HIP1: variants seen among roughly 807,000 people sequenced by gnomAD.
HIP1 encodes the protein huntingtin-interacting protein 1.
Under a neutral mutation model 147.6 loss-of-function variants are expected in HIP1, and 65 were observed. The ratio of observed to expected loss-of-function variants is 0.44; its 90% CI spans 0.36 to 0.54. HIP1 has a LOEUF of 0.54. Ranked by LOEUF, HIP1 falls within the 20% of genes least tolerant of loss-of-function variation. The pLI, the probability that HIP1 is intolerant of heterozygous loss-of-function variation, is 0.00. For missense variants in HIP1, 1,061 were observed against 1,299.6 expected (o/e 0.82, Z 2.82); for synonymous variants, 479 against 504.0 (o/e 0.95, Z 0.67).
rs1363073056 is a variant in HIP1, at chr7:75,536,506, G to A, written c.*1666C>T. On this transcript the variant is annotated 3_prime_UTR_variant, in exon 31 of 31. Transcript: ENST00000336926. ...GTTGCTATAGATAAAGAAGGAAGACGCTGTTTTTCCAAGATCAGAAGGTCA... is the reference window on the plus strand; with the variant it reads ...GTTGCTATAGATAAAGAAGGAAGACACTGTTTTTCCAAGATCAGAAGGTCA... The A allele has an allele frequency of 3.0e-5, 7 of 229,546 alleles. No individual in the cohort carries two copies. Among genetic ancestry groups the A allele is most frequent in the East Asian group, 6.2e-5 (1 of 16,102 alleles). The allele number at this position is 229,546 out of a possible 1,614,324, so 14.2% of individuals were successfully genotyped here.
chr7:75,614,899 G>C (rs781988811), intron 1 of HIP1, among the ~76,000 whole-genome samples: 1 of 152,118 alleles, frequency 6.6e-6, no homozygotes, highest in African/African-American at 2.4e-5. Flanking sequence ...TCAGCCTCCT[G>C]ATAGCTGGGA....
At chr7:75,714,459 T>A (rs1438520348) in intron 1 of HIP1, among the ~76,000 whole-genome samples, 1 of 33,492 alleles carries the variant, frequency 3.0e-5, no homozygotes, top group African/African-American at 1.9e-4. Context: ...TTTTTTCTTT[T>A]TTTTTTTTTT....
intron 4 of HIP1, among the ~76,000 whole-genome samples, chr7:75,589,969 G>A (rs1235372429): frequency 4.0e-5 from 6 of 151,816 alleles, no homozygotes; most frequent in African/African-American, 9.7e-5. Flanking sequence ...TCCTGACCTC[G>A]TGATCCGCCC....
At chr7:75,674,892 T>C (rs1022943931) in intron 1 of HIP1, among the ~76,000 whole-genome samples, 2 of 152,014 alleles carry the variant, frequency 1.3e-5, no homozygotes, top group Admixed American at 1.3e-4. Context: ...TCTGACAGTG[T>C]GACTATGACG....
chr7:75,639,360 C>A (rs1411541781), intron 1 of HIP1: 1 of 226,248 alleles, frequency 4.4e-6, no homozygotes, highest in Non-Finnish European at 7.3e-6. Context: ...CGCGCCCGAG[C>A]CCCCGGGGAC....
intron 1 of HIP1, among the ~76,000 whole-genome samples, chr7:75,672,222 A>G (rs895243473): frequency 6.6e-6 from 1 of 151,800 alleles, no homozygotes; most frequent in East Asian, 1.9e-4. Context: ...TATTTTTGTT[A>G]TTGAGTTTTA....
Position 75,553,389 on chromosome 7 carries a change from G to C in HIP1, c.2295+64C>G. 8 of 1,561,144 alleles carry C rather than the reference G, an allele frequency of 5.1e-6. 1 individual carries two copies. The South Asian group carries it at 9.0e-5, about 18-fold the overall frequency. ...AGCTCAGAACATCACCGATTCCCTG[G>C]CCATTCACCAGCACGCACACCCAGA... On this transcript the variant is annotated intron_variant, in intron 22 of 30. Transcript: ENST00000336926.
At chr7:75,717,562 T>G (rs1054491219) in intron 1 of HIP1, among the ~76,000 whole-genome samples, 2 of 150,960 alleles carry the variant, frequency 1.3e-5, no homozygotes, top group Non-Finnish European at 2.9e-5. Flanking sequence ...CCCGGTGTGG[T>G]GGCTTACACC....
chr7:75,599,298 TGA>T lies in HIP1; in HGVS notation c.121-53_121-52del, dbSNP rs782278571. ...AAGGAGGATGAGATGAATAAGCCTC[TGA>T]GAGTGGCTGAGACCCTCCCAGATGC... On this transcript the variant is annotated intron_variant, in intron 1 of 30. Coordinates refer to ENST00000336926, the MANE Select transcript of HIP1 (RefSeq NM_005338.7). 1.9e-5 allele frequency: 26 copies of T among 1,356,198 alleles called. No homozygotes were observed. The Middle Eastern group carries it at 7.2e-4, about 37-fold the overall frequency. The allele number at this position is 1,356,198 out of a possible 1,614,324, so 84.0% of individuals were successfully genotyped here.
At position 75,548,944 on chromosome 7, in the gene HIP1, T is replaced by C; in HGVS notation, c.2353A>G (p.Lys785Glu). ...GCAGCTGAAGTGGCCGCCATCTCCT[T>C]GTCCACCAGGTCCCCCAGCTCCTCC... Reference protein sequence around the residue: ...KQEELGDLVDKEMAATSAAIE... With the variant: ...KQEELGDLVDEEMAATSAAIE... The change falls in exon 23 of 31, where the codon AAG (lysine) becomes GAG (glutamate). Residue 785 changes from lysine to glutamate, a missense_variant. By Grantham distance (56) the Lys-to-Glu change is moderately conservative. This residue lies in a region of HIP1 where 810 missense variants were observed against 946.8 expected (regional missense o/e 0.86). Coordinates refer to ENST00000336926, the MANE Select transcript of HIP1 (RefSeq NM_005338.7). 2 of 1,614,132 alleles carry C rather than the reference T, an allele frequency of 1.2e-6. No homozygotes were observed. Among genetic ancestry groups the C allele is most frequent in the Non-Finnish European group, 1.7e-6 (2 of 1,179,984 alleles).
At chr7:75,588,952 A>C (rs1450935142) in intron 4 of HIP1, among the ~76,000 whole-genome samples, 2 of 152,112 alleles carry the variant, frequency 1.3e-5, no homozygotes, top group Non-Finnish European at 2.9e-5. Context: ...GGAGTTCGAA[A>C]CCAGCCTAGC....
At chr7:75,612,262 C>T (rs1797467793) in intron 1 of HIP1, among the ~76,000 whole-genome samples, 1 of 152,178 alleles carries the variant, frequency 6.6e-6, no homozygotes, top group Non-Finnish European at 1.5e-5. Flanking sequence ...GTAATCCCAG[C>T]ACTTTGGGAG....
intron 5 of HIP1, among the ~76,000 whole-genome samples, chr7:75,583,168 A>C (rs1185655608): frequency 6.6e-6 from 1 of 151,346 alleles, no homozygotes; most frequent in Non-Finnish European, 1.5e-5. Flanking sequence ...TCTCCTCCCC[A>C]TCTCTCTGCC....
chr7:75,730,954 C>T (rs572153518), intron 1 of HIP1, among the ~76,000 whole-genome samples: 5 of 146,438 alleles, frequency 3.4e-5, no homozygotes, highest in East Asian at 2.2e-4. Context: ...AGGATGGTCT[C>T]GAACTCCTGG....
At chr7:75,554,278 C>G (rs1246341457) in intron 20 of HIP1, 58 bp from the exon 21 acceptor site, 1 of 1,442,080 alleles carries the variant, frequency 6.9e-7, no homozygotes, top group African/African-American at 1.4e-5. Context: ...ACTTTCATAC[C>G]CTCTCCTCCC....
At chr7:75,671,696 C>T (rs1799733748) in intron 1 of HIP1, among the ~76,000 whole-genome samples, 1 of 152,070 alleles carries the variant, frequency 6.6e-6, no homozygotes, top group South Asian at 2.1e-4. Context: ...CACAAGGATT[C>T]CAATTTCTCC....
At chr7:75,578,244 C>A (rs928730808) in intron 7 of HIP1, among the ~76,000 whole-genome samples, 3 of 152,298 alleles carry the variant, frequency 2.0e-5, no homozygotes, top group African/African-American at 7.2e-5. Context: ...GGCAGGCAGG[C>A]AGCCGGCTCC....
chr7:75,627,199 T>C (rs1182867563), intron 1 of HIP1, among the ~76,000 whole-genome samples: 8 of 152,164 alleles, frequency 5.3e-5, no homozygotes, highest in African/African-American at 1.7e-4. Flanking sequence ...AAGTGTGTAC[T>C]TCAATGAAGC....
At chr7:75,661,433 C>T (rs907881172) in intron 1 of HIP1, among the ~76,000 whole-genome samples, 2 of 151,400 alleles carry the variant, frequency 1.3e-5, no homozygotes, top group South Asian at 2.1e-4. Flanking sequence ...ATTAGCCGGG[C>T]GTGGTGGCGC....
Sources: allele counts gnomAD v4.1 joint callset (sites outside exome capture counted in the v4.1 genomes callset), GRCh38; gene constraint gnomAD v4.1.1; regional missense constraint gnomAD v4.1.1; transcripts MANE v1.5; gene names NCBI Gene and HGNC (gene_info 2026-07-23, HGNC 2026-07-21).